The following VWA3A variants were observed in gnomAD, a reference collection of about 807,000 sequenced individuals.
VWA3A encodes von Willebrand factor A domain-containing protein 3A.
In VWA3A, 134 loss-of-function variants were observed where a neutral mutation model predicts 160.4. The ratio of observed to expected loss-of-function variants is 0.84; its 90% confidence interval spans 0.73 to 0.96. The LOEUF is 0.96. VWA3A is among the 40% of genes least tolerant of loss of function. The pLI is 0.00. For synonymous variants in VWA3A, 476 were observed against 543.4 expected (o/e 0.88, Z 1.72); for missense variants, 1,310 against 1,447.9 (o/e 0.90, Z 1.55).
At chr16:22,119,073 T>G in intron 12 of VWA3A, 46 bp downstream of exon 12, 1 of 1,550,296 alleles carries the variant, frequency 6.5e-7, no homozygotes, top group Non-Finnish European at 8.7e-7. Flanking sequence ...CCAGCAGCAC[T>G]CAGCTGGCCT....
At chr16:22,125,991 C>G (rs2045841686) in intron 16 of VWA3A, among the ~76,000 whole-genome samples, 187 bp from the exon 17 acceptor site, 1 of 152,104 alleles carries the variant, frequency 6.6e-6, no homozygotes, top group Non-Finnish European at 1.5e-5. Flanking sequence ...GGGGGGCTTC[C>G]ATGACCCCCT....
rs202126218 is a variant in VWA3A, at chr16:22,150,202, G to A, written c.3129+271G>A. On this transcript the variant is annotated intron_variant, in intron 29 of 33. Coordinates refer to ENST00000389398, the MANE Select transcript of VWA3A (RefSeq NM_173615.5). Reference sequence around the variant, plus strand: ...GGATCACCTGAGGTCAGGAGTTCAAGACCATCCTGACCAACATGGTGAAAC... The same window carrying A: ...GGATCACCTGAGGTCAGGAGTTCAAAACCATCCTGACCAACATGGTGAAAC... 3.3e-5 allele frequency among the ~76,000 whole-genome samples: 5 copies of A among 152,248 alleles called. No individual in the cohort carries two copies. In the East Asian group the frequency reaches 9.7e-4, roughly 29 times the overall value.
intron 3 of VWA3A, among the ~76,000 whole-genome samples, chr16:22,098,945 A>G (rs903373629): frequency 6.7e-6 from 1 of 149,902 alleles, no homozygotes; most frequent in African/African-American, 2.4e-5. Flanking sequence ...AAAATACACA[A>G]ATTAGTGAGG....
intron 5 of VWA3A, 111 bp downstream of exon 5, chr16:22,100,604 G>A: frequency 9.7e-7 from 1 of 1,029,928 alleles, no homozygotes; most frequent in Admixed American, 2.1e-5. Context: ...GGAGGCCGAG[G>A]CAGGTGGATC....
chr16:22,155,761 T>C lies in VWA3A; in HGVS notation c.3504-90T>C, dbSNP rs1358905952. Reference sequence around the variant, plus strand: ...AAGGGCCGCACCCATGATGGTACCCTTGCTCCAAGGGTTCCTGCCCTGCTT... The same window carrying C: ...AAGGGCCGCACCCATGATGGTACCCCTGCTCCAAGGGTTCCTGCCCTGCTT... On this transcript the variant is annotated intron_variant, in intron 32 of 33. Coordinates refer to ENST00000389398, the MANE Select transcript of VWA3A (RefSeq NM_173615.5). 3.7e-6 allele frequency: 6 copies of C among 1,605,064 alleles called. No individual in the cohort carries two copies. In the African/African-American group the frequency reaches 5.4e-5, roughly 14 times the overall value.
In VWA3A at chr16:22,146,280, G is replaced by A. The variant is rs1417207437; in HGVS notation, c.2775G>A (p.Val925=). The part of the protein sequence containing the change: ...HIQWTPREME[V]YIRHLEKVLR... ...AGTGGACGCCCAGGGAGATGGAGGT[G>A]TACATCAGGCACTTGGAGAAGGTGT... Residue 925 remains valine (V), a synonymous_variant, in exon 27 of 34, where the codon GTG becomes GTA. Transcript: ENST00000389398. 5.0e-6 allele frequency: 8 copies of A among 1,613,580 alleles called. No homozygotes were observed. Among genetic ancestry groups the A allele is most frequent in the South Asian group, 2.2e-5 (2 of 91,042 alleles).
chr16:22,131,146 G>GC, intron 17 of VWA3A, 59 bp from the exon 18 acceptor site: 1 of 1,530,260 alleles, frequency 6.5e-7, no homozygotes, highest in African/African-American at 1.4e-5. Flanking sequence ...AGCCCAAAGA[G>GC]GTGGGCCACC....
intron 20 of VWA3A, 65 bp from the exon 21 acceptor site, chr16:22,134,303 T>G: frequency 2.1e-6 from 3 of 1,448,714 alleles, no homozygotes; most frequent in Non-Finnish European, 2.8e-6. Flanking sequence ...AGTATCCAGA[T>G]GATGGGGACG....
chr16:22,117,118 T>C lies in VWA3A; in HGVS notation c.932T>C (p.Leu311Pro). 1 of 1,581,484 alleles carries C rather than the reference T, an allele frequency of 6.3e-7. No individual in the cohort carries two copies. Among genetic ancestry groups the C allele is most frequent in the South Asian group, 1.2e-5 (1 of 85,972 alleles). The change falls in exon 11 of 34, where the codon CTG (leucine) becomes CCG (proline). Residue 311 changes from leucine (L) to proline (P), a missense_variant. Transcript: ENST00000389398. Reference protein sequence around the residue: ...RCDDQMPPAVLKNLAEAVRGY... With the variant: ...RCDDQMPPAVPKNLAEAVRGY... Reference sequence around the variant, plus strand: ...CTGGCCTCATCCCTGCAGGCTGTCCTGAAGAACCTTGCAGAAGCTGTTAGG... The same window carrying C: ...CTGGCCTCATCCCTGCAGGCTGTCCCGAAGAACCTTGCAGAAGCTGTTAGG...
intron 30 of VWA3A, among the ~76,000 whole-genome samples, chr16:22,152,276 G>A (rs1243856160): frequency 6.6e-6 from 1 of 152,082 alleles, no homozygotes; most frequent in Admixed American, 6.6e-5. Flanking sequence ...CAGGCTAAAT[G>A]GTGACACTCA....
chr16:22,100,095 G>A (rs549727073), intron 3 of VWA3A, 99 bp from the exon 4 acceptor site: 4 of 1,378,364 alleles, frequency 2.9e-6, no homozygotes, highest in African/African-American at 1.5e-5. Flanking sequence ...AAAAGATAGG[G>A]TCAGTCTGAG....
intron 8 of VWA3A, among the ~76,000 whole-genome samples, chr16:22,112,031 G>A (rs950413495): frequency 1.1e-4 from 17 of 152,248 alleles, no homozygotes; most frequent in African/African-American, 3.9e-4. Context: ...TCTGTACCTT[G>A]GCTTTCTAGC....
chr16:22,139,716 A>G (rs79693600), intron 22 of VWA3A, among the ~76,000 whole-genome samples: 2 of 151,894 alleles, frequency 1.3e-5, no homozygotes, highest in African/African-American at 2.4e-5. Context: ...CAAACAAACA[A>G]AAAAAAACTG....
chr16:22,156,241 C>G lies in VWA3A; in HGVS notation c.*224C>G. On this transcript the variant is annotated 3_prime_UTR_variant, in exon 34 of 34. Transcript: ENST00000389398. ...CTGTCCCGCAGCGCACTCTACTCTC[C>G]AGCCACTAGATTGTCCCTCTCTGGG... is the stretch of plus-strand genomic sequence containing the variant. 3.7e-6 allele frequency: 1 copy of G among 271,866 alleles called. No individual in the cohort carries two copies. The highest frequency in any genetic ancestry group is 6.9e-6 in the Non-Finnish European group (1 of 143,912). The allele number at this position is 271,866 out of a possible 1,614,324, so 16.8% of individuals were successfully genotyped here. A position where few individuals can be genotyped will look rare whatever the true frequency, so the allele number is the denominator to read the frequency against.
chr16:22,092,950 C>T (rs899867257), intron 1 of VWA3A, among the ~76,000 whole-genome samples: 3 of 151,894 alleles, frequency 2.0e-5, no homozygotes, highest in Non-Finnish European at 4.4e-5. Context: ...AGGAAAGACT[C>T]CTATTATTAT....
chr16:22,104,680 TA>T (rs55770468), intron 6 of VWA3A, among the ~76,000 whole-genome samples: 57 of 149,488 alleles, frequency 3.8e-4, no homozygotes, highest in Middle Eastern at 6.8e-3. Flanking sequence ...ACTTGTCTTT[TA>T]AAAAAAAAAA....
intron 16 of VWA3A, among the ~76,000 whole-genome samples, chr16:22,124,901 T>C (rs1238627049): frequency 6.6e-6 from 1 of 151,944 alleles, no homozygotes; most frequent in African/African-American, 2.4e-5. Flanking sequence ...TGTCTCAAAA[T>C]GAGAATGGGG....
intron 8 of VWA3A, among the ~76,000 whole-genome samples, chr16:22,112,674 G>A (rs1378947842): frequency 6.6e-6 from 1 of 152,200 alleles, no homozygotes; most frequent in Non-Finnish European, 1.5e-5. Context: ...AGTGAGCTAT[G>A]GTTGTGCTAC....
At chr16:22,092,774 C>A in intron 1 of VWA3A, 123 bp downstream of exon 1, 1 of 1,235,290 alleles carries the variant, frequency 8.1e-7, no homozygotes, top group Middle Eastern at 2.2e-4. Flanking sequence ...CCACTCCCTA[C>A]ATGCCGAGCA....
Sources: gnomAD v4.1 joint callset for allele counts (sites outside exome capture counted in the v4.1 genomes callset) on GRCh38, gnomAD v4.1.1 for gene constraint, MANE v1.5 for transcripts, NCBI Gene and HGNC (gene_info 2026-07-23, HGNC 2026-07-21) for gene names.